The following PPFIBP1 variants were observed in gnomAD, a reference collection of about 807,000 sequenced individuals.
The protein encoded by PPFIBP1 is PPFIB scaffold protein 1.
In PPFIBP1, 112 loss-of-function variants were observed where a neutral mutation model predicts 137.8. The ratio of observed to expected loss-of-function variants is 0.81; its 90% CI spans 0.70 to 0.95. The LOEUF (loss-of-function observed/expected upper bound fraction) is 0.95. PPFIBP1 is among the 40% of genes least tolerant of loss of function. The pLI, the probability that PPFIBP1 is intolerant of heterozygous loss-of-function variation, is 0.00. For missense variants in PPFIBP1, 1,083 were observed against 1,196.6 expected (o/e 0.91, Z 1.40); for synonymous variants, 378 against 417.3 (o/e 0.91, Z 1.15).
chr12:27,570,075 TTG>T (rs2050011041), intron 1 of PPFIBP1, among the ~76,000 whole-genome samples: 1 of 152,202 alleles, frequency 6.6e-6, no homozygotes, highest in African/African-American at 2.4e-5. Context: ...TTAGGATTTT[TTG>T]TGTGTTTTGG....
chr12:27,642,176 G>A (rs1464755371), intron 4 of PPFIBP1, among the ~76,000 whole-genome samples: 1 of 152,212 alleles, frequency 6.6e-6, no homozygotes, highest in Admixed American at 6.5e-5. Context: ...ACCTGGCAGA[G>A]GCCATAAGTT....
chr12:27,529,815 G>T (rs979996468), intron 1 of PPFIBP1, among the ~76,000 whole-genome samples: 1 of 152,196 alleles, frequency 6.6e-6, no homozygotes, highest in African/African-American at 2.4e-5. Context: ...AACTAGGTAG[G>T]CCCATTGGGA....
At chr12:27,593,415 T>C in intron 2 of PPFIBP1, 1 of 455,694 alleles carries the variant, frequency 2.2e-6, no homozygotes, top group African/African-American at 2.0e-5. Context: ...CCAGCTCATG[T>C]TCCTTAAGCC....
chr12:27,624,747 G>A (rs1324796423), intron 2 of PPFIBP1, among the ~76,000 whole-genome samples: 4 of 152,112 alleles, frequency 2.6e-5, no homozygotes, highest in East Asian at 1.9e-4. Context: ...CCTGAATAGC[G>A]TGTGCATGTG....
rs532488102 is a variant in PPFIBP1 at position 27,548,605 on chromosome 12, T to C, written c.-124+24240T>C. The C allele has an allele frequency of 2.0e-5, 3 of 152,364 alleles. No homozygotes were observed. In the South Asian group the frequency reaches 6.2e-4, roughly 32 times the overall value. The allele number at this position is 152,364 out of a possible 1,614,324, so 9.4% of individuals were successfully genotyped here. A position where few individuals can be genotyped will look rare whatever the true frequency, so the allele number is the denominator to read the frequency against. On this transcript the variant is annotated intron_variant, in intron 1 of 29. Transcript: ENST00000228425. ...CCTAATCTCTTTCCCAACTGCAGAT[T>C]AAGTCATATCTGTAAAAGGCAACAT...
chr12:27,680,676 T>C (rs979054665), intron 21 of PPFIBP1, among the ~76,000 whole-genome samples: 3 of 152,218 alleles, frequency 2.0e-5, no homozygotes, highest in African/African-American at 7.2e-5. Context: ...GACTATATAA[T>C]ATTTTATCCA....
chr12:27,550,498 G>A lies in PPFIBP1; in HGVS notation c.-124+26133G>A, dbSNP rs1439125662. On this transcript the variant is annotated intron_variant, in intron 1 of 29. Coordinates refer to ENST00000228425, the MANE Select transcript of PPFIBP1 (RefSeq NM_003622.4). ...CTGTACACAAGACACTGGACTCACA[G>A]GAGTGCAAAATGCAATGGTGTTAGG... Among the ~76,000 whole-genome samples, 3 of 152,146 alleles carry A rather than the reference G, an allele frequency of 2.0e-5. No homozygotes were observed. In the East Asian group the frequency reaches 5.8e-4, roughly 29 times the overall value.
chr12:27,676,658 T>A (rs2060531438), intron 18 of PPFIBP1, 59 bp downstream of exon 18: 2 of 1,347,384 alleles, frequency 1.5e-6, no homozygotes, highest in Admixed American at 2.2e-5. Context: ...AAGAGCAGTG[T>A]CTTCCCTTCC....
Position 27,562,087 on chromosome 12 carries a change from C to T in PPFIBP1, c.-123-16065C>T, listed in dbSNP as rs534004262. The stretch of plus-strand genomic sequence containing the variant: ...TCAACAAAATGAACTAGCGACCCTC[C>T]TCTCTGAGCTCTCTTTTTCCCAACT... On this transcript the variant is annotated intron_variant, in intron 1 of 29. Coordinates refer to ENST00000228425, the MANE Select transcript of PPFIBP1 (RefSeq NM_003622.4). Among the ~76,000 whole-genome samples the T allele has an allele frequency of 6.8e-4, 103 of 152,070 alleles. 1 individual carries two copies. The highest frequency in any genetic ancestry group is 6.2e-3 in the Admixed American group (94 of 15,256).
intron 4 of PPFIBP1, chr12:27,636,924 G>GGC (rs1445899549): frequency 6.6e-6 from 1 of 152,160 alleles, no homozygotes; most frequent in Non-Finnish European, 1.5e-5. Flanking sequence ...GGCTTTTCCA[G>GGC]GCACTGGCTT....
At chr12:27,666,519 T>A (rs988098199) in intron 12 of PPFIBP1, among the ~76,000 whole-genome samples, 3 of 152,224 alleles carry the variant, frequency 2.0e-5, no homozygotes, top group Non-Finnish European at 4.4e-5. Flanking sequence ...AAAAAGAATA[T>A]CTGGCACTGC....
chr12:27,673,959 A>T (rs1221589719), intron 16 of PPFIBP1, 132 bp downstream of exon 16: 2 of 858,392 alleles, frequency 2.3e-6, no homozygotes, highest in African/African-American at 3.4e-5. Context: ...AAATTATTAG[A>T]TGTTAGGTTT....
chr12:27,568,979 G>C (rs1210898977), intron 1 of PPFIBP1, among the ~76,000 whole-genome samples: 1 of 152,086 alleles, frequency 6.6e-6, no homozygotes, highest in Non-Finnish European at 1.5e-5. Flanking sequence ...TCAGAAACCA[G>C]AGTCATAGAG....
intron 28 of PPFIBP1, among the ~76,000 whole-genome samples, chr12:27,692,275 A>G (rs2061593657): frequency 6.6e-6 from 1 of 152,180 alleles, no homozygotes; most frequent in Admixed American, 6.5e-5. Flanking sequence ...TCTGTATTAA[A>G]ACATGTTAGG....
chr12:27,570,242 A>G (rs1465316917), intron 1 of PPFIBP1, among the ~76,000 whole-genome samples: 1 of 152,194 alleles, frequency 6.6e-6, no homozygotes, highest in Non-Finnish European at 1.5e-5. Flanking sequence ...TGTATTTTAC[A>G]TACTATATAG....
intron 9 of PPFIBP1, 123 bp downstream of exon 9, chr12:27,656,853 A>G (rs1340424998): frequency 7.6e-6 from 5 of 660,072 alleles, no homozygotes; most frequent in Non-Finnish European, 1.3e-5. Context: ...GAATCCAGCC[A>G]GGACCAGAAC....
chr12:27,539,189 A>C (rs1592321851), intron 1 of PPFIBP1, among the ~76,000 whole-genome samples: 2 of 152,076 alleles, frequency 1.3e-5, no homozygotes, highest in Admixed American at 1.3e-4. Context: ...GCAAAATCAT[A>C]CTTTGAAAGG....
At chr12:27,608,725 G>A (rs1432816610) in intron 2 of PPFIBP1, 2 of 350,624 alleles carry the variant, frequency 5.7e-6, no homozygotes, top group African/African-American at 4.5e-5. Context: ...AAAACATAGT[G>A]TATGATATCA....
At chr12:27,632,948 A>G (rs1218065093) in intron 2 of PPFIBP1, among the ~76,000 whole-genome samples, 2 of 152,208 alleles carry the variant, frequency 1.3e-5, no homozygotes, top group East Asian at 3.8e-4. Context: ...ACAGAAAGAA[A>G]AAACAAAAAC....
Sources: gnomAD v4.1 joint callset for allele counts (sites outside exome capture counted in the v4.1 genomes callset) on GRCh38, gnomAD v4.1.1 for gene constraint, MANE v1.5 for transcripts, NCBI Gene and HGNC (gene_info 2026-07-23, HGNC 2026-07-21) for gene names.